C12orf42: variants seen among roughly 807,000 people sequenced by gnomAD.
C12orf42 encodes chromosome 12 open reading frame 42.
C12orf42 carries 25 observed loss-of-function variants against 21.6 expected under a neutral mutation model. The observed-to-expected ratio is 1.16, with a 90% confidence interval of 0.84 to 1.62. The LOEUF (loss-of-function observed/expected upper bound fraction) is 1.62, where lower values mean the gene tolerates loss of function less well. Ranked by LOEUF, C12orf42 falls within the 40% of genes most tolerant of loss-of-function variation. The pLI is 0.00. For missense variants in C12orf42, 483 were observed against 459.3 expected (o/e 1.05, Z -0.47); for synonymous variants, 174 against 175.0 (o/e 0.99, Z 0.05).
intron 2 of C12orf42, among the ~76,000 whole-genome samples, chr12:103,431,970 C>T (rs1030541257): frequency 8.5e-5 from 13 of 152,142 alleles, no homozygotes; most frequent in African/African-American, 1.4e-4. Flanking sequence ...CAGTACACTT[C>T]GAAGAAGGTC....
chr12:103,145,923 G>A, the C12orf42 span, among the ~76,000 whole-genome samples: 31 of 151,462 alleles, frequency 2.0e-4, no homozygotes, highest in African/African-American at 6.5e-4. Context: ...TGGATATAGA[G>A]TTTGTGTGAA....
Position 103,296,826 on chromosome 12 carries a change from G to C in C12orf42, n.338-19616C>G, listed in dbSNP as rs890133666. Among the ~76,000 whole-genome samples, 134 of 152,108 alleles carry C rather than the reference G, an allele frequency of 8.8e-4. 3 individuals carry two copies. The highest frequency in any genetic ancestry group is 6.6e-4 in the Admixed American group (10 of 15,266). On this transcript the variant is annotated intron_variant and non_coding_transcript_variant, in intron 4 of 6. Coordinates refer to the C12orf42 transcript ENST00000546526. ...CTGTAGGTTGCCTGTTAACTCTGAT[G>C]GTAGTTTCTTTTGCTGTGCAGAAGC...
the C12orf42 span, among the ~76,000 whole-genome samples, chr12:103,083,196 C>G: frequency 1.3e-5 from 2 of 152,126 alleles, no homozygotes; most frequent in Non-Finnish European, 2.9e-5. Context: ...GAAACCCCGT[C>G]TCTACAAAAA....
chr12:103,519,586 G>A, the C12orf42 span, among the ~76,000 whole-genome samples: 1 of 152,100 alleles, frequency 6.6e-6, no homozygotes, highest in African/African-American at 2.4e-5. Context: ...TTGGAAAGGG[G>A]GCACAAACCT....
At chr12:103,381,495 GACA>G (rs2046167327) in intron 3 of C12orf42, among the ~76,000 whole-genome samples, 1 of 152,166 alleles carries the variant, frequency 6.6e-6, no homozygotes, top group Non-Finnish European at 1.5e-5. Context: ...TGTTGATGAT[GACA>G]ACAACAACAG....
chr12:103,265,111 G>A (rs1023318405), downstream of C12orf42, among the ~76,000 whole-genome samples: 4 of 152,124 alleles, frequency 2.6e-5, no homozygotes, highest in African/African-American at 9.7e-5. Context: ...GCATGGCAGA[G>A]AGAGGGCTAG....
At chr12:103,329,142 GGCAGGGAC>G (rs1047947433) in intron 4 of C12orf42, among the ~76,000 whole-genome samples, 1 of 151,604 alleles carries the variant, frequency 6.6e-6, no homozygotes, top group African/African-American at 2.4e-5. Context: ...TCAGAGCTAT[GGCAGGGAC>G]GCAGGCATGC....
intron 3 of C12orf42, among the ~76,000 whole-genome samples, chr12:103,388,881 C>T (rs2046842739): frequency 6.6e-6 from 1 of 152,218 alleles, no homozygotes; most frequent in South Asian, 2.1e-4. Context: ...TAGGGTCATG[C>T]AGGCAGCCAG....
intron 4 of C12orf42, among the ~76,000 whole-genome samples, chr12:103,280,996 G>A (rs1041102317): frequency 1.3e-5 from 2 of 152,236 alleles, no homozygotes; most frequent in African/African-American, 4.8e-5. Flanking sequence ...GAGGGAGGTA[G>A]ATTAGGAAGA....
At chr12:103,542,353 G>A in the C12orf42 span, among the ~76,000 whole-genome samples, 2 of 152,226 alleles carry the variant, frequency 1.3e-5, no homozygotes, top group African/African-American at 2.4e-5. Flanking sequence ...TGAATGTGGA[G>A]CAAAATCACT....
intron 10 of C12orf42, among the ~76,000 whole-genome samples, chr12:103,258,704 T>C (rs1373748531): frequency 1.3e-5 from 2 of 152,100 alleles, no homozygotes; most frequent in African/African-American, 4.8e-5. Context: ...ACAATCAGAA[T>C]ATGTATTCTT....
the C12orf42 span, among the ~76,000 whole-genome samples, chr12:103,111,447 C>T: frequency 2.0e-5 from 3 of 152,126 alleles, no homozygotes; most frequent in Non-Finnish European, 2.9e-5. Context: ...ACCATTCATT[C>T]GGTCATTCAT....
intron 4 of C12orf42, among the ~76,000 whole-genome samples, chr12:103,335,547 C>T (rs2374244): frequency 0.12 from 18,001 of 152,202 alleles, 1,313 homozygotes; most frequent in African/African-American, 0.21. Flanking sequence ...AATCAGGCAA[C>T]ACTGATTTCT....
the C12orf42 span, among the ~76,000 whole-genome samples, chr12:103,097,063 A>T: frequency 6.6e-6 from 1 of 152,354 alleles, no homozygotes; most frequent in South Asian, 2.1e-4. Context: ...TTACTGGAAG[A>T]CATACTAAAA....
chr12:103,219,962 G>A, the C12orf42 span, among the ~76,000 whole-genome samples: 2 of 152,116 alleles, frequency 1.3e-5, no homozygotes, highest in Non-Finnish European at 2.9e-5. Context: ...ACATGCAAAT[G>A]TATGTTTATT....
chr12:103,123,589 AC>A, the C12orf42 span, among the ~76,000 whole-genome samples: 3 of 152,344 alleles, frequency 2.0e-5, no homozygotes, highest in Admixed American at 6.5e-5. Context: ...GCTTAGACTT[AC>A]GTTTCCCAAT....
At chr12:103,486,876 T>A (rs1430622177) in intron 1 of C12orf42, among the ~76,000 whole-genome samples, 1 of 152,226 alleles carries the variant, frequency 6.6e-6, no homozygotes, top group Non-Finnish European at 1.5e-5. Flanking sequence ...GCTAGCAGTC[T>A]ATCAATTTTA....
intron 4 of C12orf42, among the ~76,000 whole-genome samples, chr12:103,314,823 T>G (rs2039303977): frequency 6.6e-6 from 1 of 152,184 alleles, no homozygotes; most frequent in Non-Finnish European, 1.5e-5. Context: ...GAAACACTTG[T>G]GAAGGTCACA....
At chr12:103,540,669 T>C in the C12orf42 span, among the ~76,000 whole-genome samples, 1 of 152,200 alleles carries the variant, frequency 6.6e-6, no homozygotes, top group Non-Finnish European at 1.5e-5. Flanking sequence ...TCTTTCTGTA[T>C]CCTGATGCTT....
Sources: gnomAD v4.1 joint callset for allele counts (sites outside exome capture counted in the v4.1 genomes callset) on GRCh38, gnomAD v4.1.1 for gene constraint, MANE v1.5 for transcripts, NCBI Gene and HGNC (gene_info 2026-07-23, HGNC 2026-07-21) for gene names.